ARID4B: variants seen among roughly 807,000 people sequenced by gnomAD.
ARID4B encodes the protein AT-rich interaction domain 4B.
In ARID4B, 26 loss-of-function variants were observed where a neutral mutation model predicts 147.5. The observed-to-expected ratio is 0.18, with a 90% CI of 0.13 to 0.24. The LOEUF is 0.24. ARID4B is among the 10% of genes least tolerant of loss of function. The pLI, the probability that ARID4B is intolerant of heterozygous loss-of-function variation, is 1.00. For missense variants in ARID4B, 1,179 were observed against 1,511.5 expected (o/e 0.78, Z 3.65); for synonymous variants, 512 against 507.9 (o/e 1.01, Z -0.11).
At chr1:235,170,325 C>T (rs75441859) in intron 23 of ARID4B, among the ~76,000 whole-genome samples, 6,095 of 151,992 alleles carry the variant, frequency 0.04, 456 homozygotes, top group African/African-American at 0.14. Flanking sequence ...CAAAGCCTAA[C>T]ATATTTATTG....
intron 2 of ARID4B, among the ~76,000 whole-genome samples, chr1:235,292,311 C>CTCTT (rs1448326548): frequency 2.6e-5 from 4 of 152,128 alleles, no homozygotes; most frequent in African/African-American, 9.7e-5. Context: ...TTAATAAAGG[C>CTCTT]TCTTAGAAAT....
At chr1:235,260,910 C>T (rs1171782699) in intron 2 of ARID4B, among the ~76,000 whole-genome samples, 158 bp from the exon 3 acceptor site, 1 of 152,018 alleles carries the variant, frequency 6.6e-6, no homozygotes, top group Admixed American at 6.6e-5. Flanking sequence ...AATTAAAAAA[C>T]AAGTAAAATG....
chr1:235,272,127 A>G (rs1172901254), intron 2 of ARID4B, among the ~76,000 whole-genome samples: 1 of 152,196 alleles, frequency 6.6e-6, no homozygotes, highest in African/African-American at 2.4e-5. Flanking sequence ...GACCCACACA[A>G]CATGTATTAA....
chr1:235,321,822 C>A (rs1189855570), intron 2 of ARID4B, among the ~76,000 whole-genome samples: 1 of 151,702 alleles, frequency 6.6e-6, no homozygotes, highest in Non-Finnish European at 1.5e-5. Context: ...CAAAAAGGCT[C>A]AGATCTATCC....
intron 17 of ARID4B, among the ~76,000 whole-genome samples, chr1:235,206,356 C>G (rs540762425): frequency 6.6e-6 from 1 of 151,960 alleles, no homozygotes; most frequent in East Asian, 1.9e-4. Context: ...TACCCAGAGT[C>G]CTAGGTGAAA....
intron 13 of ARID4B, among the ~76,000 whole-genome samples, chr1:235,222,528 C>A (rs1667538178): frequency 6.6e-6 from 1 of 152,064 alleles, no homozygotes; most frequent in African/African-American, 2.4e-5. Flanking sequence ...TAAGACAGAT[C>A]CCTGCTCTTA....
At chr1:235,217,949 A>G (rs1667204953) in intron 16 of ARID4B, among the ~76,000 whole-genome samples, 1 of 152,208 alleles carries the variant, frequency 6.6e-6, no homozygotes, top group Non-Finnish European at 1.5e-5. Context: ...CTATACATAC[A>G]TACCTCTGAT....
chr1:235,296,843 A>AAGGGAGGAAGGGAGGGAGGGAG (rs71172292), intron 2 of ARID4B, among the ~76,000 whole-genome samples: 10 of 48,962 alleles, frequency 2.0e-4, no homozygotes, highest in Non-Finnish European at 3.2e-4. Flanking sequence ...GGAAGGGAGG[A>AAGGGAGGAAGGGAGGGAGGGAG]AGGAGGGAGG....
intron 20 of ARID4B, among the ~76,000 whole-genome samples, chr1:235,179,514 ACT>A (rs1168765311): frequency 8.2e-6 from 1 of 122,110 alleles, no homozygotes; most frequent in Admixed American, 1.0e-4. Flanking sequence ...CAAGAGCAAA[ACT>A]CTATGTCTCA....
intron 3 of ARID4B, among the ~76,000 whole-genome samples, chr1:235,260,422 G>A (rs952961222): frequency 3.9e-5 from 6 of 152,076 alleles, no homozygotes; most frequent in African/African-American, 1.4e-4. Context: ...ACAATAAGAC[G>A]TCTATAGTGA....
intron 7 of ARID4B, among the ~76,000 whole-genome samples, chr1:235,241,334 G>A (rs1346143086): frequency 1.3e-5 from 2 of 151,940 alleles, no homozygotes; most frequent in Non-Finnish European, 2.9e-5. Context: ...GCAATGATCA[G>A]TTTCACTGCC....
At chr1:235,224,903 T>TTA in intron 11 of ARID4B, 128 bp from the exon 12 acceptor site, 1 of 650,916 alleles carries the variant, frequency 1.5e-6, no homozygotes, top group Admixed American at 3.0e-5. Flanking sequence ...GTAATCAAAG[T>TTA]TACTCTTTTA....
chr1:235,192,147 T>C (rs1327766410), intron 19 of ARID4B, among the ~76,000 whole-genome samples: 1 of 152,022 alleles, frequency 6.6e-6, no homozygotes, highest in Non-Finnish European at 1.5e-5. Flanking sequence ...TAAATATAGA[T>C]AATTCAATTC....
At chr1:235,215,506 T>C (rs1468076028) in intron 16 of ARID4B, among the ~76,000 whole-genome samples, 2 of 150,892 alleles carry the variant, frequency 1.3e-5, no homozygotes, top group East Asian at 1.9e-4. Flanking sequence ...TTAAGAGTAA[T>C]GATTATATAT....
At chr1:235,271,431 T>C (rs1007625171) in intron 2 of ARID4B, among the ~76,000 whole-genome samples, 7 of 148,700 alleles carry the variant, frequency 4.7e-5, no homozygotes, top group African/African-American at 1.7e-4. Flanking sequence ...GGAGTTCGAG[T>C]CCAGCCTGGC....
intron 2 of ARID4B, among the ~76,000 whole-genome samples, chr1:235,265,528 G>C (rs974067502): frequency 6.6e-6 from 1 of 151,766 alleles, no homozygotes; most frequent in Non-Finnish European, 1.5e-5. Context: ...GCAAAACCCT[G>C]TTTCTACTAA....
intron 5 of ARID4B, among the ~76,000 whole-genome samples, chr1:235,255,250 G>T (rs1669886925): frequency 1.0e-5 from 1 of 96,030 alleles, no homozygotes; most frequent in Admixed American, 1.2e-4. Flanking sequence ...TAGATAGATA[G>T]ATAGATAGAT....
At chr1:235,238,158 G>GAAAAA (rs1668743541) in intron 8 of ARID4B, among the ~76,000 whole-genome samples, 3 of 112,890 alleles carry the variant, frequency 2.7e-5, no homozygotes, top group African/African-American at 1.2e-4. Flanking sequence ...AAAAAAAAAA[G>GAAAAA]AAAAGAAAAG....
intron 19 of ARID4B, among the ~76,000 whole-genome samples, chr1:235,185,975 CTT>C (rs35784051): frequency 1.4e-5 from 2 of 143,418 alleles, no homozygotes. Context: ...TAGTTATTTG[CTT>C]TTTTTTTTTT....
Sources: gnomAD v4.1 joint callset for allele counts (sites outside exome capture counted in the v4.1 genomes callset) on GRCh38, gnomAD v4.1.1 for gene constraint, MANE v1.5 for transcripts, NCBI Gene and HGNC (gene_info 2026-07-23, HGNC 2026-07-21) for gene names.